The following IQGAP2 variants were observed in gnomAD, a reference collection of about 807,000 sequenced individuals.
IQGAP2 encodes ras GTPase-activating-like protein IQGAP2.
In IQGAP2, 173 loss-of-function variants were observed where a neutral mutation model predicts 201.3. The observed-to-expected ratio is 0.86, with a 90% CI of 0.76 to 0.98. The LOEUF is 0.98. Among genes scored for constraint, IQGAP2 ranks in the 50% least tolerant of loss-of-function variants. IQGAP2 has a pLI of 0.00. For missense variants in IQGAP2, 1,687 were observed against 1,864.8 expected (o/e 0.90, Z 1.76); for synonymous variants, 675 against 673.9 (o/e 1.00, Z -0.03).
chr5:76,589,591 T>G, intron 6 of IQGAP2, 24 bp from the exon 7 acceptor site: 1 of 1,305,250 alleles, frequency 7.7e-7, no homozygotes, highest in Non-Finnish European at 1.1e-6. Flanking sequence ...TGATAATGAT[T>G]ATGATTATTT....
intron 13 of IQGAP2, among the ~76,000 whole-genome samples, chr5:76,626,270 C>CTTTTTTTTTTTTTTTTTT (rs34251090): frequency 1.8e-4 from 15 of 83,654 alleles, no homozygotes; most frequent in South Asian, 4.9e-4. Flanking sequence ...TTCTTCTTTT[C>CTTTTTTTTTTTTTTTTTT]TTTTTTTTTT....
chr5:76,467,290 C>T (rs1197187905), intron 2 of IQGAP2, among the ~76,000 whole-genome samples: 1 of 152,046 alleles, frequency 6.6e-6, no homozygotes, highest in Non-Finnish European at 1.5e-5. Context: ...CTTTTAAATT[C>T]TACATAAAGA....
chr5:76,512,988 G>A (rs180989455), intron 2 of IQGAP2, among the ~76,000 whole-genome samples: 1,802 of 152,102 alleles, frequency 0.012, 18 homozygotes, highest in Non-Finnish European at 0.013. Context: ...CTAGTAGGTG[G>A]AGGTTGCAGT....
At chr5:76,551,560 G>A (rs1248953636) in intron 2 of IQGAP2, among the ~76,000 whole-genome samples, 1 of 152,128 alleles carries the variant, frequency 6.6e-6, no homozygotes, top group African/African-American at 2.4e-5. Context: ...TCCAGCCTGG[G>A]CAACATTGAG....
chr5:76,543,366 C>G (rs186059251), intron 2 of IQGAP2, among the ~76,000 whole-genome samples: 41 of 152,288 alleles, frequency 2.7e-4, no homozygotes, highest in African/African-American at 9.9e-4. Context: ...AAAGGTGAAG[C>G]ATTTCAGTGA....
intron 28 of IQGAP2, among the ~76,000 whole-genome samples, chr5:76,677,886 G>A (rs891111758): frequency 3.9e-5 from 6 of 152,128 alleles, no homozygotes; most frequent in Admixed American, 6.5e-5. Flanking sequence ...ATCTATGATC[G>A]TGCCACTGCA....
chr5:76,596,115 T>TTA (rs1300237342), intron 9 of IQGAP2, among the ~76,000 whole-genome samples: 1 of 152,226 alleles, frequency 6.6e-6, no homozygotes, highest in African/African-American at 2.4e-5. Flanking sequence ...TGTTATTGAA[T>TTA]TATATCTCTT....
chr5:76,551,394 C>T (rs1743502705), intron 2 of IQGAP2, among the ~76,000 whole-genome samples: 1 of 149,780 alleles, frequency 6.7e-6, no homozygotes, highest in South Asian at 2.1e-4. Context: ...CAGAGGGGCT[C>T]CTCACATCCC....
chr5:76,693,417 T>TA lies in IQGAP2; in HGVS notation c.3969dup (p.Glu1324ArgfsTer33), dbSNP rs1561600747. On this transcript the variant is annotated frameshift_variant, in exon 31 of 36. Coordinates refer to ENST00000274364, the MANE Select transcript of IQGAP2 (RefSeq NM_006633.5). LOFTEE classifies it high-confidence loss of function. Reference sequence around the variant, plus strand: ...CCAGGGAACACATTGACAGAAATCTTAGAGACACCAGCAACTGCGCAACAG... The same window carrying TA: ...CCAGGGAACACATTGACAGAAATCTTAAGAGACACCAGCAACTGCGCAACAG... 6.2e-7 allele frequency: 1 copy of TA among 1,613,092 alleles called. No individual in the cohort carries two copies. Among genetic ancestry groups the TA allele is most frequent in the South Asian group, 1.1e-5 (1 of 91,038 alleles).
intron 2 of IQGAP2, among the ~76,000 whole-genome samples, chr5:76,516,178 G>T (rs970304538): frequency 3.9e-5 from 6 of 152,004 alleles, no homozygotes; most frequent in Non-Finnish European, 5.9e-5. Context: ...CCCAGCCAGG[G>T]ATGATCTTTT....
chr5:76,607,818 G>A (rs541898567), intron 12 of IQGAP2: 3 of 152,334 alleles, frequency 2.0e-5, no homozygotes, highest in East Asian at 3.9e-4. Flanking sequence ...GGTTGCTACA[G>A]CAACTGCCAC....
intron 11 of IQGAP2, among the ~76,000 whole-genome samples, chr5:76,605,253 G>GA (rs1747719880): frequency 6.6e-6 from 1 of 152,110 alleles, no homozygotes; most frequent in South Asian, 2.1e-4. Flanking sequence ...TCCCCAGGCA[G>GA]AAAAAAAGTA....
At chr5:76,537,249 G>A (rs1298959934) in intron 2 of IQGAP2, among the ~76,000 whole-genome samples, 1 of 152,202 alleles carries the variant, frequency 6.6e-6, no homozygotes, top group Non-Finnish European at 1.5e-5. Context: ...CCTGGTTTAT[G>A]CTTTTAAAAG....
intron 13 of IQGAP2, among the ~76,000 whole-genome samples, chr5:76,611,476 C>A (rs1259494647): frequency 2.0e-5 from 3 of 152,164 alleles, no homozygotes; most frequent in Non-Finnish European, 4.4e-5. Flanking sequence ...ACTATGTGCA[C>A]ACTTCAGTCC....
intron 2 of IQGAP2, among the ~76,000 whole-genome samples, chr5:76,473,293 A>G (rs1186411481): frequency 4.4e-5 from 5 of 113,594 alleles, no homozygotes; most frequent in Middle Eastern, 8.1e-3. Flanking sequence ...TTAGCACAAT[A>G]TAGCTATCCA....
chr5:76,618,946 C>T (rs1206434104), intron 13 of IQGAP2, among the ~76,000 whole-genome samples: 13 of 152,174 alleles, frequency 8.5e-5, no homozygotes, highest in Admixed American at 8.5e-4. Context: ...ACAAACTATA[C>T]AGGCATTCAG....
In IQGAP2 at chr5:76,600,917, C is replaced by T. The variant is rs1747386712; in HGVS notation, c.1177C>T (p.Gln393Ter). Residue 393 changes from glutamine to a stop codon, truncating the protein, a stop_gained, in exon 11 of 36, where the codon CAA (glutamine) becomes TAA (stop). Transcript: ENST00000274364. LOFTEE classifies it high-confidence loss of function. ...CAACGATCTTGTGTCTGTGCAGAAT[C>T]AACTCAGAAGCCCCGCAATAGGCTT... ...ESNDLVSVQN[Q>*]LRSPAIGLNN... The T allele has an allele frequency of 2.2e-5, 36 of 1,614,118 alleles. No individual in the cohort carries two copies. Among genetic ancestry groups the T allele is most frequent in the Non-Finnish European group, 3.1e-5 (36 of 1,179,980 alleles).
chr5:76,531,270 T>G (rs889115526), intron 2 of IQGAP2, among the ~76,000 whole-genome samples: 2 of 152,158 alleles, frequency 1.3e-5, no homozygotes, highest in African/African-American at 4.8e-5. Flanking sequence ...AATTTTTTAA[T>G]TTTAATGTTT....
chr5:76,403,660 G>T lies in IQGAP2; in HGVS notation c.46+69G>T, dbSNP rs1750634260. 3 of 1,295,854 alleles carry T rather than the reference G, an allele frequency of 2.3e-6. No individual in the cohort carries two copies. Among genetic ancestry groups the T allele is most frequent in the Admixed American group, 3.3e-5 (1 of 29,862 alleles). 80.3% of individuals were successfully genotyped at this position (1,295,854 alleles called of 1,614,324 possible). A position where few individuals can be genotyped will look rare whatever the true frequency, so the allele number is the denominator to read the frequency against. On this transcript the variant is annotated intron_variant, in intron 1 of 35. Coordinates refer to ENST00000274364, the MANE Select transcript of IQGAP2 (RefSeq NM_006633.5). This position sits in a 1 kb window ranked among gnomAD's most constrained non-coding sequence, Gnocchi z 4.8. ...CTCCCTCCCCGAGGACGGCGTTGGA[G>T]AAGCCGAGGGAGCCGGTTGCGCGGC...
Sources: allele counts gnomAD v4.1 joint callset (sites outside exome capture counted in the v4.1 genomes callset), GRCh38; gene constraint gnomAD v4.1.1; non-coding constraint Gnocchi (gnomAD v3.1); transcripts MANE v1.5; gene names NCBI Gene and HGNC (gene_info 2026-07-23, HGNC 2026-07-21).